CNTN3: variants seen among roughly 807,000 people sequenced by gnomAD.
CNTN3 encodes the protein contactin 3.
CNTN3 carries 60 observed loss-of-function variants against 119.1 expected under a neutral mutation model. That is an observed-to-expected ratio of 0.50 (90% CI 0.41 to 0.62). The LOEUF (loss-of-function observed/expected upper bound fraction) is 0.62, where lower values mean the gene tolerates loss of function less well. CNTN3 is among the 20% of genes least tolerant of loss of function. The pLI, the probability that CNTN3 is intolerant of heterozygous loss-of-function variation, is 0.00. For missense variants in CNTN3, 1,101 were observed against 1,242.4 expected, an observed-to-expected ratio of 0.89 and a Z score of 1.71; for synonymous variants, 450 against 438.7, an observed-to-expected ratio of 1.03 and a Z score of -0.32.
At chr3:74,555,541 C>T (rs1704055830) in intron 1 of CNTN3, among the ~76,000 whole-genome samples, 1 of 152,108 alleles carries the variant, frequency 6.6e-6, no homozygotes, top group Non-Finnish European at 1.5e-5. Flanking sequence ...TCCGTCTGGT[C>T]CTGAATTTTT....
chr3:74,522,772 G>T (rs1703561350), intron 1 of CNTN3, among the ~76,000 whole-genome samples: 1 of 149,898 alleles, frequency 6.7e-6, no homozygotes, highest in Middle Eastern at 3.4e-3. Context: ...TAACTCCAGA[G>T]GTGGAAAAAG....
chr3:74,385,539 T>C (rs986266875), intron 5 of CNTN3, among the ~76,000 whole-genome samples: 1 of 152,214 alleles, frequency 6.6e-6, no homozygotes, highest in African/African-American at 2.4e-5. Context: ...ATTGGAGTCA[T>C]AGGATTTGAG....
intron 1 of CNTN3, among the ~76,000 whole-genome samples, chr3:74,568,661 G>A (rs1038064487): frequency 6.6e-6 from 1 of 152,148 alleles, no homozygotes; most frequent in Admixed American, 6.6e-5. Context: ...AATTCTGGAC[G>A]TCAGCCTTAC....
At chr3:74,550,189 G>GGTGCA (rs375808753) in intron 1 of CNTN3, among the ~76,000 whole-genome samples, 44 of 152,300 alleles carry the variant, frequency 2.9e-4, no homozygotes, top group African/African-American at 1.0e-3. Flanking sequence ...TCTTCAATAA[G>GGTGCA]GGTGATGCTG....
intron 13 of CNTN3, among the ~76,000 whole-genome samples, chr3:74,326,063 A>C (rs748050903): frequency 2.0e-5 from 3 of 152,110 alleles, no homozygotes; most frequent in Non-Finnish European, 4.4e-5. Flanking sequence ...AAAAATTAAA[A>C]TCTTGTAATG....
intron 1 of CNTN3, among the ~76,000 whole-genome samples, chr3:74,543,236 T>C (rs189373873): frequency 6.6e-6 from 1 of 152,158 alleles, no homozygotes; most frequent in Non-Finnish European, 1.5e-5. Flanking sequence ...TAAAATTGAA[T>C]ATAGGAGTAT....
chr3:74,449,649 T>C (rs572005920), intron 4 of CNTN3, among the ~76,000 whole-genome samples: 2 of 152,226 alleles, frequency 1.3e-5, no homozygotes, highest in East Asian at 1.9e-4. Flanking sequence ...CGGTAATTTA[T>C]ATATTATGCA....
chr3:74,594,279 T>A, intron 1 of CNTN3, among the ~76,000 whole-genome samples: 1 of 149,718 alleles, frequency 6.7e-6, no homozygotes, highest in African/African-American at 2.5e-5. Flanking sequence ...TTTTCTTTTT[T>A]TTTTTTTTTT....
At chr3:74,567,909 T>C (rs1704252087) in intron 1 of CNTN3, among the ~76,000 whole-genome samples, 1 of 152,142 alleles carries the variant, frequency 6.6e-6, no homozygotes, top group Non-Finnish European at 1.5e-5. Context: ...GAAAACTAAA[T>C]GGGGAAAATG....
intron 13 of CNTN3, among the ~76,000 whole-genome samples, chr3:74,319,962 A>T (rs932320342): frequency 1.4e-4 from 22 of 152,220 alleles, no homozygotes; most frequent in African/African-American, 5.3e-4. Flanking sequence ...TCAATACCAC[A>T]ATGAGATACC....
chr3:74,467,512 A>G (rs1307612939), intron 4 of CNTN3, among the ~76,000 whole-genome samples: 1 of 152,184 alleles, frequency 6.6e-6, no homozygotes, highest in Non-Finnish European at 1.5e-5. Flanking sequence ...TCAATTAAAT[A>G]GATGCTCACA....
intron 5 of CNTN3, among the ~76,000 whole-genome samples, chr3:74,418,553 C>A (rs1458699733): frequency 2.0e-5 from 3 of 151,654 alleles, no homozygotes; most frequent in African/African-American, 4.8e-5. Context: ...GCTGGCCAGG[C>A]TGGTCTCCAT....
At chr3:74,492,854 G>T (rs1702992562) in intron 3 of CNTN3, among the ~76,000 whole-genome samples, 1 of 152,096 alleles carries the variant, frequency 6.6e-6, no homozygotes, top group Non-Finnish European at 1.5e-5. Context: ...AGAGTCAAAA[G>T]GTGCTTTTCA....
intron 1 of CNTN3, among the ~76,000 whole-genome samples, chr3:74,574,882 C>T (rs1210590712): frequency 6.6e-6 from 1 of 151,354 alleles, no homozygotes. Context: ...GGACTGCTCA[C>T]TGTGAGAGAA....
At chr3:74,321,218 T>A (rs1702980028) in intron 13 of CNTN3, among the ~76,000 whole-genome samples, 1 of 152,136 alleles carries the variant, frequency 6.6e-6, no homozygotes, top group Non-Finnish European at 1.5e-5. Flanking sequence ...ACTCCAAACC[T>A]TGGCATCATG....
At chr3:74,454,024 G>C (rs1178902833) in intron 4 of CNTN3, among the ~76,000 whole-genome samples, 1 of 146,518 alleles carries the variant, frequency 6.8e-6, no homozygotes, top group African/African-American at 2.5e-5. Flanking sequence ...ATGTCTATTA[G>C]GTCCGCTTGG....
In CNTN3 at chr3:74,604,244, T is replaced by C. The variant is rs532262458; in HGVS notation, c.-81+10147A>G. ...GCACAGGGAAAAGGCTCCATGACAG[T>C]GGTCTAGGCAATGATTTTTTGGATA... On this transcript the variant is annotated intron_variant, in intron 1 of 22. Coordinates refer to ENST00000263665, the MANE Select transcript of CNTN3 (RefSeq NM_020872.3). Among the ~76,000 whole-genome samples, 49 of 152,174 alleles carry C rather than the reference T, an allele frequency of 3.2e-4. 1 individual carries two copies. The highest frequency in any genetic ancestry group is 1.1e-3 in the African/African-American group (45 of 41,542).
At chr3:74,458,628 C>T (rs1453654637) in intron 4 of CNTN3, among the ~76,000 whole-genome samples, 1 of 151,896 alleles carries the variant, frequency 6.6e-6, no homozygotes, top group Non-Finnish European at 1.5e-5. Flanking sequence ...TTTATATGAC[C>T]TTCTGGAAAT....
At chr3:74,342,292 A>G (rs892870261) in intron 11 of CNTN3, among the ~76,000 whole-genome samples, 1 of 152,190 alleles carries the variant, frequency 6.6e-6, no homozygotes, top group Non-Finnish European at 1.5e-5. Flanking sequence ...CTTGAGTTCA[A>G]AGATAACCTG....
Sources: gnomAD v4.1 joint callset for allele counts (sites outside exome capture counted in the v4.1 genomes callset) on GRCh38, gnomAD v4.1.1 for gene constraint, MANE v1.5 for transcripts, NCBI Gene and HGNC (gene_info 2026-07-23, HGNC 2026-07-21) for gene names.